CCDC170: variants seen among roughly 807,000 people sequenced by gnomAD.
The protein encoded by CCDC170 is coiled-coil domain-containing protein 170.
A neutral mutation model predicts 72.6 loss-of-function variants in CCDC170; 69 were observed. The observed-to-expected ratio is 0.95, with a 90% confidence interval of 0.78 to 1.16. The LOEUF (loss-of-function observed/expected upper bound fraction) is 1.16. Ranked by LOEUF, CCDC170 falls within the 50% of genes most tolerant of loss-of-function variation. CCDC170 has a pLI of 0.00. For synonymous variants in CCDC170, 300 were observed against 303.9 expected (o/e 0.99, Z 0.13); for missense variants, 852 against 832.5 (o/e 1.02, Z -0.29).
chr6:151,512,151 CG>C (rs1562267182), intron 1 of CCDC170, among the ~76,000 whole-genome samples: 1 of 146,278 alleles, frequency 6.8e-6, no homozygotes, highest in African/African-American at 2.6e-5. Flanking sequence ...AGCAGTATAC[CG>C]TTTTTTTTTG....
chr6:151,536,327 G>GGAAACTT lies in CCDC170; in HGVS notation c.67_68insGAAACTT (p.Asp23GlyfsTer28), dbSNP rs770710690. On this transcript the variant is annotated frameshift_variant, in exon 2 of 11. Transcript: ENST00000239374. LOFTEE classifies it high-confidence loss of function. ...GGGGGAATTCTACCAGGAAACTTACGATCATCTTTCGGAAGTCCCGGTCAC... is the reference window on the plus strand; with the variant it reads ...GGGGGAATTCTACCAGGAAACTTACGGAAACTTATCATCTTTCGGAAGTCCCGGTCAC... 4 of 1,613,252 alleles carry GGAAACTT rather than the reference G, an allele frequency of 2.5e-6. No homozygotes were observed. Among genetic ancestry groups the GGAAACTT allele is most frequent in the Non-Finnish European group, 3.4e-6 (4 of 1,179,394 alleles).
At position 151,538,245 on chromosome 6, in the gene CCDC170, A is replaced by C; in HGVS notation, c.387A>C (p.Ala129=). The C allele has an allele frequency of 1.2e-6, 2 of 1,613,932 alleles. No individual in the cohort carries two copies. Among genetic ancestry groups the C allele is most frequent in the Non-Finnish European group, 1.7e-6 (2 of 1,179,888 alleles). Reference sequence around the variant, plus strand: ...GAACAGAAATCACAGCTCACGCTGCAATCAAGGAGAACCAGGAATTAAAGA... The same window carrying C: ...GAACAGAAATCACAGCTCACGCTGCCATCAAGGAGAACCAGGAATTAAAGA... ...KIRTEITAHA[A]IKENQELKKK... The change falls in exon 3 of 11, where the codon GCA becomes GCC. Residue 129 remains alanine (A), a synonymous_variant. Coordinates refer to ENST00000239374, the MANE Select transcript of CCDC170 (RefSeq NM_025059.4).
At chr6:151,573,841 C>T (rs1161941985) in intron 6 of CCDC170, among the ~76,000 whole-genome samples, 2 of 152,230 alleles carry the variant, frequency 1.3e-5, no homozygotes, top group Non-Finnish European at 2.9e-5. Flanking sequence ...AATTACCTCC[C>T]ACCAGGTCCC....
intron 9 of CCDC170, among the ~76,000 whole-genome samples, chr6:151,597,924 A>C (rs548274428): frequency 6.6e-6 from 1 of 152,342 alleles, no homozygotes; most frequent in South Asian, 2.1e-4. Context: ...AGGGAAAAAG[A>C]ATCTGGAATT....
chr6:151,517,632 C>T (rs572115610), intron 1 of CCDC170, among the ~76,000 whole-genome samples: 94 of 151,666 alleles, frequency 6.2e-4, no homozygotes, highest in African/African-American at 1.6e-3. Context: ...TTAGTAGAGA[C>T]GGGGTTTCAC....
intron 6 of CCDC170, among the ~76,000 whole-genome samples, chr6:151,584,581 T>A (rs1425548914): frequency 6.6e-6 from 1 of 152,210 alleles, no homozygotes; most frequent in Non-Finnish European, 1.5e-5. Flanking sequence ...TGCCTCTGGG[T>A]GGTGGGATCA....
At chr6:151,615,805 C>T in intron 10 of CCDC170, 126 bp downstream of exon 10, 1 of 741,420 alleles carries the variant, frequency 1.3e-6, no homozygotes, top group South Asian at 1.8e-5. Flanking sequence ...ATTTGTATGT[C>T]ATCGTTTTAC....
chr6:151,538,111 G>A lies in CCDC170; in HGVS notation c.253G>A (p.Glu85Lys), dbSNP rs761649246. The change falls in exon 3 of 11, where the codon GAG (glutamate) becomes AAG (lysine). Residue 85 changes from glutamate to lysine, a missense_variant. Physicochemically the swap from Glu to Lys is moderately conservative, Grantham distance 56 (BLOSUM62 1). Transcript: ENST00000239374. ...VSCQELKAEM[E>K]SYKENNARKS... is the part of the protein sequence containing the mutation. Reference sequence around the variant, plus strand: ...CTGTCAAGAACTGAAAGCTGAAATGGAGAGCTACAAGGAAAACAATGCCAG... The same window carrying A: ...CTGTCAAGAACTGAAAGCTGAAATGAAGAGCTACAAGGAAAACAATGCCAG... The A allele has an allele frequency of 1.2e-6, 2 of 1,613,686 alleles. No homozygotes were observed. The highest frequency in any genetic ancestry group is 4.5e-5 in the East Asian group (2 of 44,808).
At chr6:151,608,937 A>G (rs993681141) in intron 9 of CCDC170, among the ~76,000 whole-genome samples, 7 of 152,188 alleles carry the variant, frequency 4.6e-5, no homozygotes, top group Admixed American at 1.3e-4. Flanking sequence ...CTAACTTTAT[A>G]GGTGTCCATG....
chr6:151,553,207 C>G (rs960839485), intron 5 of CCDC170, among the ~76,000 whole-genome samples: 36 of 152,228 alleles, frequency 2.4e-4, no homozygotes, highest in African/African-American at 8.4e-4. Flanking sequence ...AGTCATTGTG[C>G]TAATGATCAG....
chr6:151,556,367 G>A (rs1782974847), intron 5 of CCDC170, among the ~76,000 whole-genome samples: 1 of 152,192 alleles, frequency 6.6e-6, no homozygotes, highest in Non-Finnish European at 1.5e-5. Context: ...AGGCATGACA[G>A]TCACTTGAAC....
rs181596145 is a variant in CCDC170 at position 151,593,827 on chromosome 6, C to T, written c.1467+547C>T. Among the ~76,000 whole-genome samples, 441 of 152,232 alleles carry T rather than the reference C, an allele frequency of 2.9e-3. 3 individuals are homozygous for T. Among genetic ancestry groups the T allele is most frequent in the African/African-American group, 0.01 (422 of 41,532 alleles). ...TGCTACATGAACTTTTGTTTATATC[C>T]CATGGCCAGAATATGTTTTGGTGGT... On this transcript the variant is annotated intron_variant, in intron 8 of 10. Coordinates refer to ENST00000239374, the MANE Select transcript of CCDC170 (RefSeq NM_025059.4).
chr6:151,570,613 C>G (rs1214022702), intron 5 of CCDC170, among the ~76,000 whole-genome samples: 1 of 152,074 alleles, frequency 6.6e-6, no homozygotes, highest in African/African-American at 2.4e-5. Flanking sequence ...CTTGAGCATC[C>G]TCAGGTTTTC....
chr6:151,514,833 C>G (rs1343015181), intron 1 of CCDC170, among the ~76,000 whole-genome samples: 1 of 152,166 alleles, frequency 6.6e-6, no homozygotes, highest in Non-Finnish European at 1.5e-5. Context: ...GCTTCAGTCT[C>G]CATTCTTTTT....
At chr6:151,578,914 G>T (rs887089040) in intron 6 of CCDC170, among the ~76,000 whole-genome samples, 3 of 152,104 alleles carry the variant, frequency 2.0e-5, no homozygotes, top group African/African-American at 7.2e-5. Flanking sequence ...GGACAAAATT[G>T]TCTCTCTGGT....
At chr6:151,547,969 C>T (rs565418708) in intron 4 of CCDC170, among the ~76,000 whole-genome samples, 2 of 152,342 alleles carry the variant, frequency 1.3e-5, no homozygotes, top group South Asian at 4.1e-4. Context: ...TGGACATGGG[C>T]TGAAGGCAAG....
At chr6:151,570,546 T>C (rs985187202) in intron 5 of CCDC170, among the ~76,000 whole-genome samples, 1 of 152,234 alleles carries the variant, frequency 6.6e-6, no homozygotes, top group Non-Finnish European at 1.5e-5. Context: ...TGATTTAAAG[T>C]ATACAGAAGA....
intron 7 of CCDC170, among the ~76,000 whole-genome samples, chr6:151,591,219 A>T (rs7763994): frequency 0.45 from 68,706 of 151,498 alleles, 18,461 homozygotes; most frequent in East Asian, 0.8. Context: ...TGCCTGAATA[A>T]GCCAGATGGA....
intron 1 of CCDC170, among the ~76,000 whole-genome samples, chr6:151,515,201 A>G (rs1782217169): frequency 6.6e-6 from 1 of 152,238 alleles, no homozygotes; most frequent in African/African-American, 2.4e-5. Flanking sequence ...CTTGGACTAC[A>G]TTGTTTGGAC....
Sources: gnomAD v4.1 joint callset for allele counts (sites outside exome capture counted in the v4.1 genomes callset) on GRCh38, gnomAD v4.1.1 for gene constraint, MANE v1.5 for transcripts, NCBI Gene and HGNC (gene_info 2026-07-23, HGNC 2026-07-21) for gene names.